Variants in KIAA1958 observed in about 807,000 individuals in gnomAD.
The protein encoded by KIAA1958 is KIAA1958.
Under a neutral mutation model 47.2 loss-of-function variants are expected in KIAA1958, and 14 were observed. That is an observed-to-expected ratio of 0.30 (90% CI 0.20 to 0.46). KIAA1958 has a LOEUF of 0.46. Among genes scored for constraint, KIAA1958 ranks in the 20% least tolerant of loss-of-function variants. KIAA1958 has a pLI of 1.00. For synonymous variants in KIAA1958, 354 were observed against 353.3 expected, an observed-to-expected ratio of 1.00 and a Z score of -0.02; for missense variants, 803 against 909.2, an observed-to-expected ratio of 0.88 and a Z score of 1.50.
chr9:112,489,582 C>T (rs765726717), intron 1 of KIAA1958, among the ~76,000 whole-genome samples: 3 of 150,588 alleles, frequency 2.0e-5, no homozygotes, highest in Non-Finnish European at 4.4e-5. Flanking sequence ...TACATATTTT[C>T]AGCTGATTTC....
At chr9:112,641,770 A>G (rs1229464475) in intron 2 of KIAA1958, among the ~76,000 whole-genome samples, 1 of 151,962 alleles carries the variant, frequency 6.6e-6, no homozygotes, top group Non-Finnish European at 1.5e-5. Flanking sequence ...AGCCATGTTC[A>G]TTCTAGTACT....
rs1394542900 is a variant in KIAA1958, at chr9:112,545,942, C to G, written c.-24-28115C>G. Among the ~76,000 whole-genome samples the G allele has an allele frequency of 2.0e-5, 3 of 147,264 alleles. No homozygotes were observed. The East Asian group carries it at 6.0e-4, about 29-fold the overall frequency. On this transcript the variant is annotated intron_variant, in intron 1 of 3. Transcript: ENST00000337530. ...ATGAAATACATAAACTTGTCAGATG[C>G]TTTGTGAGTCTCTCCTGATCTTAAG...
chr9:112,558,898 T>C (rs573357002), intron 1 of KIAA1958, among the ~76,000 whole-genome samples: 17 of 152,270 alleles, frequency 1.1e-4, no homozygotes, highest in East Asian at 1.9e-4. Context: ...TATAACACTT[T>C]GGGTACAACA....
At chr9:112,539,438 A>G (rs1392187905) in intron 1 of KIAA1958, among the ~76,000 whole-genome samples, 4 of 152,186 alleles carry the variant, frequency 2.6e-5, no homozygotes, top group Non-Finnish European at 5.9e-5. Context: ...ATAAAAGACT[A>G]CATATTTCAT....
At chr9:112,568,346 A>T (rs996255699) in intron 1 of KIAA1958, among the ~76,000 whole-genome samples, 1 of 152,160 alleles carries the variant, frequency 6.6e-6, no homozygotes, top group African/African-American at 2.4e-5. Flanking sequence ...ATCTTGAGAA[A>T]TTTTATTTTT....
chr9:112,616,044 G>C (rs1269923126), intron 2 of KIAA1958, among the ~76,000 whole-genome samples: 1 of 152,230 alleles, frequency 6.6e-6, no homozygotes, highest in African/African-American at 2.4e-5. Flanking sequence ...AAGAAAAACA[G>C]ATGTGCTGGC....
At chr9:112,491,755 C>T (rs777049703) in intron 1 of KIAA1958, among the ~76,000 whole-genome samples, 32 of 152,150 alleles carry the variant, frequency 2.1e-4, no homozygotes, top group Non-Finnish European at 4.0e-4. Context: ...CCATTGCTTT[C>T]CCTTGCTTCT....
intron 1 of KIAA1958, among the ~76,000 whole-genome samples, chr9:112,537,905 G>C (rs1002729844): frequency 3.9e-5 from 6 of 152,122 alleles, no homozygotes; most frequent in African/African-American, 1.4e-4. Context: ...GGAAAGAATG[G>C]CAGTTTGACT....
chr9:112,647,393 C>T (rs1452576109), intron 3 of KIAA1958, among the ~76,000 whole-genome samples: 1 of 151,868 alleles, frequency 6.6e-6, no homozygotes, highest in Non-Finnish European at 1.5e-5. Context: ...AGGAAAATAT[C>T]CAAAATGTAG....
chr9:112,623,111 C>A (rs1234619079), intron 2 of KIAA1958, among the ~76,000 whole-genome samples: 1 of 152,104 alleles, frequency 6.6e-6, no homozygotes, highest in African/African-American at 2.4e-5. Flanking sequence ...TCTGGAGAAT[C>A]TTTCTTAGAG....
intron 1 of KIAA1958, among the ~76,000 whole-genome samples, chr9:112,520,188 G>T (rs1003102884): frequency 6.6e-6 from 1 of 152,236 alleles, no homozygotes; most frequent in African/African-American, 2.4e-5. Flanking sequence ...AAATAGAAAA[G>T]ATAGAGGTAG....
At position 112,643,464 on chromosome 9, in the gene KIAA1958, G is replaced by A. The variant is rs114112099; in HGVS notation, c.1172-2186G>A. On this transcript the variant is annotated intron_variant, in intron 2 of 3. Coordinates refer to ENST00000337530, the MANE Select transcript of KIAA1958 (RefSeq NM_133465.4). ...TATAGTAGGCATCAATTAGTGCTAC[G>A]TATAACAATAATAAATTTTATACAA... Among the ~76,000 whole-genome samples the A allele has an allele frequency of 2.4e-3, 370 of 152,248 alleles. 2 individuals are homozygous for A. Among genetic ancestry groups the A allele is most frequent in the African/African-American group, 8.3e-3 (344 of 41,530 alleles).
At chr9:112,611,906 A>G (rs1489416960) in intron 2 of KIAA1958, among the ~76,000 whole-genome samples, 1 of 152,108 alleles carries the variant, frequency 6.6e-6, no homozygotes, top group Non-Finnish European at 1.5e-5. Flanking sequence ...ATGGAATAGA[A>G]TTAAAGATTC....
At chr9:112,652,319 A>T (rs932522353) in intron 3 of KIAA1958, among the ~76,000 whole-genome samples, 1 of 152,224 alleles carries the variant, frequency 6.6e-6, no homozygotes, top group Non-Finnish European at 1.5e-5. Flanking sequence ...CTAAAGGAAA[A>T]TGGTTTCTTG....
intron 2 of KIAA1958, among the ~76,000 whole-genome samples, chr9:112,622,924 G>T (rs1341774557): frequency 6.6e-6 from 1 of 152,162 alleles, no homozygotes; most frequent in African/African-American, 2.4e-5. Flanking sequence ...TGCTCTCAAA[G>T]AATTTATAAA....
chr9:112,623,172 TC>T (rs1836541210), intron 2 of KIAA1958, among the ~76,000 whole-genome samples: 1 of 152,222 alleles, frequency 6.6e-6, no homozygotes, highest in Non-Finnish European at 1.5e-5. Context: ...TCCACTGTGT[TC>T]ATGTAGGTGC....
chr9:112,496,527 T>C (rs1198720206), intron 1 of KIAA1958, among the ~76,000 whole-genome samples: 1 of 152,202 alleles, frequency 6.6e-6, no homozygotes, highest in African/African-American at 2.4e-5. Context: ...TTGTGAAATA[T>C]CAGCAAGTTC....
At chr9:112,513,244 A>T (rs1019810536) in intron 1 of KIAA1958, among the ~76,000 whole-genome samples, 24 of 126,138 alleles carry the variant, frequency 1.9e-4, no homozygotes, top group Admixed American at 1.7e-3. Flanking sequence ...ACCTCAGGTG[A>T]TCCACCCACC....
At chr9:112,616,744 T>C (rs948934510) in intron 2 of KIAA1958, among the ~76,000 whole-genome samples, 1 of 152,148 alleles carries the variant, frequency 6.6e-6, no homozygotes, top group Non-Finnish European at 1.5e-5. Context: ...AATATTTTAT[T>C]GTTAATGTTA....
Sources: gnomAD v4.1 joint callset for allele counts (sites outside exome capture counted in the v4.1 genomes callset) on GRCh38, gnomAD v4.1.1 for gene constraint, MANE v1.5 for transcripts, NCBI Gene and HGNC (gene_info 2026-07-23, HGNC 2026-07-21) for gene names.